DMD: variants seen among roughly 807,000 people sequenced by gnomAD.
DMD encodes the protein mutant dystrophin.
A neutral mutation model predicts 330.1 loss-of-function variants in DMD; 63 were observed. That is an observed-to-expected ratio of 0.19 (90% CI 0.16 to 0.24). The LOEUF (loss-of-function observed/expected upper bound fraction) is 0.24. DMD is among the 10% of genes least tolerant of loss of function. The pLI is 1.00. For missense variants in DMD, 3,344 were observed against 2,684.1 expected (o/e 1.25, Z -5.43); for synonymous variants, 1,223 against 959.8 (o/e 1.27, Z -5.07).
At chrX:32,528,258 A>C (rs912872989) in intron 17 of DMD, among the ~76,000 whole-genome samples, 4 of 111,180 alleles carry the variant, frequency 3.6e-5, no homozygotes, top group Non-Finnish European at 7.5e-5. Context: ...GCAGTGAGCC[A>C]AGATTGTGCC....
intron 59 of DMD, among the ~76,000 whole-genome samples, chrX:31,466,600 C>T (rs2066875522): frequency 8.9e-6 from 1 of 111,769 alleles, no homozygotes. Context: ...TAGCATGATG[C>T]CTCCAGCTTT....
intron 44 of DMD, among the ~76,000 whole-genome samples, chrX:32,106,189 T>C (rs938018342): frequency 1.8e-5 from 2 of 111,937 alleles, no homozygotes; most frequent in African/African-American, 6.5e-5. Context: ...ATAAAATGCA[T>C]ATTCTGTAGT....
At chrX:32,470,591 C>T in intron 22 of DMD, among the ~76,000 whole-genome samples, 1 of 111,235 alleles carries the variant, frequency 9.0e-6, no homozygotes, top group Middle Eastern at 4.6e-3. Context: ...CTTATTCTTG[C>T]ACATTTTTAT....
intron 30 of DMD, among the ~76,000 whole-genome samples, chrX:32,405,571 C>T (rs2098112725): frequency 9.0e-6 from 1 of 111,165 alleles, no homozygotes; most frequent in African/African-American, 3.3e-5. Context: ...ATTAAATGAG[C>T]TGACACTGGG....
chrX:32,395,703 T>C (rs896524885), intron 30 of DMD, among the ~76,000 whole-genome samples: 35 of 111,672 alleles, frequency 3.1e-4, no homozygotes, highest in African/African-American at 1.1e-3. Flanking sequence ...GAAAGGGTTT[T>C]GGAGGGTCAG....
chrX:33,097,634 C>T (rs1290044898), intron 1 of DMD, among the ~76,000 whole-genome samples: 2 of 62,710 alleles, frequency 3.2e-5, no homozygotes, highest in African/African-American at 1.3e-4. Context: ...TTTTTTGAGA[C>T]AGAGTCTCAC....
intron 60 of DMD, among the ~76,000 whole-genome samples, chrX:31,360,227 A>AT (rs1186224809): frequency 2.7e-5 from 3 of 111,699 alleles, no homozygotes; most frequent in Non-Finnish European, 5.6e-5. Context: ...GCATTCAAAT[A>AT]TTTTTTTAAT....
intron 54 of DMD, among the ~76,000 whole-genome samples, chrX:31,650,699 T>C (rs908288427): frequency 8.9e-6 from 1 of 112,036 alleles, no homozygotes; most frequent in Non-Finnish European, 1.9e-5. Flanking sequence ...TGTATAACAC[T>C]ATTTGCTTTT....
intron 2 of DMD, among the ~76,000 whole-genome samples, chrX:32,994,398 A>G (rs1159960144): frequency 9.0e-6 from 1 of 111,432 alleles, no homozygotes; most frequent in Non-Finnish European, 1.9e-5. Context: ...TATTAAAAAG[A>G]ATCCTGATTC....
At chrX:31,208,524 C>A (rs2222859) in intron 65 of DMD, among the ~76,000 whole-genome samples, 1 of 111,549 alleles carries the variant, frequency 9.0e-6, no homozygotes, top group African/African-American at 3.3e-5. Flanking sequence ...AATTGAAATC[C>A]GACATGTTCA....
At chrX:32,455,635 A>G (rs898663308) in intron 25 of DMD, among the ~76,000 whole-genome samples, 3 of 111,259 alleles carry the variant, frequency 2.7e-5, no homozygotes, top group Non-Finnish European at 5.7e-5. Flanking sequence ...TGTAGAGACT[A>G]ACATGTACAA....
intron 18 of DMD, among the ~76,000 whole-genome samples, chrX:32,514,355 C>A (rs1396737956): frequency 1.8e-5 from 2 of 111,782 alleles, no homozygotes; most frequent in Non-Finnish European, 3.8e-5. Flanking sequence ...TTAGGTACCC[C>A]ACAAAAGCTT....
At chrX:32,632,660 G>A (rs1478524754) in intron 11 of DMD, among the ~76,000 whole-genome samples, 2 of 109,530 alleles carry the variant, frequency 1.8e-5, no homozygotes, top group African/African-American at 6.7e-5. Context: ...GTACCCGCTG[G>A]AGCTGTGGCC....
chrX:32,757,070 C>A (rs899208062), intron 7 of DMD, among the ~76,000 whole-genome samples: 2 of 111,374 alleles, frequency 1.8e-5, no homozygotes, highest in East Asian at 5.7e-4. Context: ...CTTAACATGA[C>A]AAATTTTATA....
chrX:31,631,223 A>C (rs1184227359), intron 54 of DMD, among the ~76,000 whole-genome samples: 1 of 110,341 alleles, frequency 9.1e-6, no homozygotes, highest in Non-Finnish European at 1.9e-5. Context: ...GCCAGGAACC[A>C]GATTTGAGAA....
intron 44 of DMD, among the ~76,000 whole-genome samples, chrX:32,195,416 C>T (rs951031246): frequency 2.7e-5 from 3 of 111,334 alleles, no homozygotes; most frequent in Non-Finnish European, 3.8e-5. Flanking sequence ...AGGAGGAGAG[C>T]GAAACCAGAA....
intron 48 of DMD, among the ~76,000 whole-genome samples, chrX:31,837,056 C>A (rs914388151): frequency 3.6e-5 from 4 of 111,503 alleles, no homozygotes; most frequent in African/African-American, 1.3e-4. Flanking sequence ...TATAGAAACA[C>A]AGGCATTAAC....
intron 7 of DMD, among the ~76,000 whole-genome samples, chrX:32,715,278 A>C (rs755509852): frequency 9.1e-6 from 1 of 109,837 alleles, no homozygotes; most frequent in East Asian, 2.9e-4. Flanking sequence ...AGAGATTGAG[A>C]CCATCCTGGC....
intron 29 of DMD, among the ~76,000 whole-genome samples, chrX:32,419,592 A>T (rs1262332668): frequency 8.9e-6 from 1 of 112,244 alleles, no homozygotes; most frequent in African/African-American, 3.2e-5. Context: ...TTATTCACGA[A>T]AGGCTTCTAG....
Sources: gnomAD v4.1 joint callset for allele counts (sites outside exome capture counted in the v4.1 genomes callset) on GRCh38, gnomAD v4.1.1 for gene constraint, MANE v1.5 for transcripts, NCBI Gene and HGNC (gene_info 2026-07-23, HGNC 2026-07-21) for gene names.